Variants in TTLL5 observed in about 807,000 individuals in gnomAD.
TTLL5 encodes tubulin polyglutamylase TTLL5.
A neutral mutation model predicts 168.4 loss-of-function variants in TTLL5; 132 were observed. The ratio of observed to expected loss-of-function variants is 0.78; its 90% CI spans 0.68 to 0.91. The LOEUF is 0.91. Among genes scored for constraint, TTLL5 ranks in the 40% least tolerant of loss-of-function variants. The probability of loss-of-function intolerance (pLI) is 0.00; values close to 1 mark genes in which losing one functional copy is unlikely to be tolerated. For missense variants in TTLL5, 1,545 were observed against 1,581.5 expected (o/e 0.98, Z 0.39); for synonymous variants, 546 against 558.6 (o/e 0.98, Z 0.32).
chr14:75,668,423 T>C (rs1883462680), intron 2 of TTLL5, among the ~76,000 whole-genome samples: 1 of 152,296 alleles, frequency 6.6e-6, no homozygotes. Context: ...TTAAGTGAGA[T>C]ATGAGAGCTC....
Position 75,745,577 on chromosome 14 carries a change from T to G in TTLL5, c.1483T>G (p.Tyr495Asp), listed in dbSNP as rs1594960482. The change falls in exon 17 of 32, where the codon TAT becomes GAT. Residue 495 changes from tyrosine to aspartate, a missense_variant. By Grantham distance (160) the Tyr-to-Asp change is radical. Transcript: ENST00000298832. The part of the protein sequence containing the change: ...IFPTSETWEI[Y>D]GSYLEHKTSM... ...TCCTACATCTGAGACATGGGAAATA[T>G]ATGGGTGAGGTGACTACCTTTTTTT... 1.2e-6 allele frequency: 2 copies of G among 1,613,848 alleles called. No homozygotes were observed. Among genetic ancestry groups the G allele is most frequent in the Admixed American group, 3.3e-5 (2 of 60,018 alleles).
chr14:75,870,835 G>A (rs563308232), intron 29 of TTLL5, among the ~76,000 whole-genome samples: 12 of 144,898 alleles, frequency 8.3e-5, no homozygotes, highest in East Asian at 2.0e-4. Context: ...TTGCTCTGTC[G>A]CCCAGCTGGA....
intron 28 of TTLL5, among the ~76,000 whole-genome samples, chr14:75,858,133 C>T (rs1897228131): frequency 6.6e-6 from 1 of 152,130 alleles, no homozygotes; most frequent in African/African-American, 2.4e-5. Context: ...AGGGGGGATC[C>T]TCAGGACCCT....
chr14:75,882,120 T>C (rs915215066), intron 29 of TTLL5, among the ~76,000 whole-genome samples: 4 of 152,198 alleles, frequency 2.6e-5, no homozygotes, highest in Non-Finnish European at 2.9e-5. Flanking sequence ...AATTCTAAAC[T>C]AGCCCTCAAG....
chr14:75,865,000 A>G (rs879776621), intron 29 of TTLL5, among the ~76,000 whole-genome samples: 6 of 152,140 alleles, frequency 3.9e-5, no homozygotes, highest in African/African-American at 1.4e-4. Flanking sequence ...GCGGTAGTAT[A>G]CTCTGTACAT....
At chr14:75,681,236 T>G (rs544457479) in intron 3 of TTLL5, among the ~76,000 whole-genome samples, 1 of 152,200 alleles carries the variant, frequency 6.6e-6, no homozygotes, top group Non-Finnish European at 1.5e-5. Context: ...CTGATGTCTG[T>G]TAGTGGCAGG....
chr14:75,926,156 C>CTTTTTTTTTTTTTTTTTTTTTT (rs34048806), intron 31 of TTLL5, among the ~76,000 whole-genome samples: 2 of 29,954 alleles, frequency 6.7e-5, no homozygotes, highest in African/African-American at 3.9e-4. Context: ...GCAACCCCAG[C>CTTTTTTTTTTTTTTTTTTTTTT]TTTTTTTTTT....
At chr14:75,813,959 G>A (rs2140399238) in intron 27 of TTLL5, among the ~76,000 whole-genome samples, 1 of 152,156 alleles carries the variant, frequency 6.6e-6, no homozygotes, top group Non-Finnish European at 1.5e-5. Flanking sequence ...TATTAGCCCA[G>A]AGAAGCCAAC....
At position 75,775,992 on chromosome 14, in the gene TTLL5, A is replaced by G. The variant is rs190935175; in HGVS notation, c.2283+362A>G. On this transcript the variant is annotated intron_variant, in intron 22 of 31. Coordinates refer to ENST00000298832, the MANE Select transcript of TTLL5 (RefSeq NM_015072.5). ...AAATTTGAGCTGTGGATTGAATGTA[A>G]TGACATATTCTTTCTTGAACGAGTT... is the stretch of plus-strand genomic sequence containing the variant. Among the ~76,000 whole-genome samples the G allele has an allele frequency of 3.8e-3, 583 of 152,362 alleles. 2 individuals are homozygous for G. The highest frequency in any genetic ancestry group is 5.7e-3 in the Non-Finnish European group (388 of 68,038).
In TTLL5 at chr14:75,880,182, T is replaced by C. The variant is rs536545433; in HGVS notation, c.3523-2503T>C. On this transcript the variant is annotated intron_variant, in intron 29 of 31. Transcript: ENST00000298832. ...GTGTGTACATACATATATAGATATA[T>C]ATGGTGTGTATGTATTCTTTTTAAA... 6.6e-5 allele frequency among the ~76,000 whole-genome samples: 10 copies of C among 152,152 alleles called. No individual in the cohort carries two copies. The East Asian group carries it at 1.5e-3, about 23-fold the overall frequency.
At chr14:75,719,497 C>T (rs897674373) in intron 10 of TTLL5, among the ~76,000 whole-genome samples, 5 of 152,078 alleles carry the variant, frequency 3.3e-5, no homozygotes, top group South Asian at 4.1e-4. Flanking sequence ...AAGAATTTGC[C>T]GCCTTCTTCC....
At position 75,924,327 on chromosome 14, in the gene TTLL5, G is replaced by A. The variant is rs982498979; in HGVS notation, c.3823+22103G>A. 2.7e-4 allele frequency among the ~76,000 whole-genome samples: 41 copies of A among 150,628 alleles called. 1 individual carries two copies. The highest frequency in any genetic ancestry group is 8.4e-4 in the African/African-American group (34 of 40,524). On this transcript the variant is annotated intron_variant, in intron 31 of 31. Transcript: ENST00000298832. ...TATTGATCATTCTTGGGTGTTTCTCGCAGAGGGGGAGTTGGCAGGGTCATA... is the reference window on the plus strand; with the variant it reads ...TATTGATCATTCTTGGGTGTTTCTCACAGAGGGGGAGTTGGCAGGGTCATA...
intron 28 of TTLL5, among the ~76,000 whole-genome samples, chr14:75,862,009 C>G (rs1311721423): frequency 6.6e-6 from 1 of 152,166 alleles, no homozygotes; most frequent in Non-Finnish European, 1.5e-5. Context: ...AAATGACTTC[C>G]TATTCCCTAA....
At chr14:75,819,982 G>A (rs759102235) in intron 27 of TTLL5, 25 bp from the exon 28 acceptor site, 10 of 1,578,614 alleles carry the variant, frequency 6.3e-6, no homozygotes, top group East Asian at 2.3e-5. Context: ...GTAAAGTCAG[G>A]TTATTTCCCT....
At chr14:75,710,862 T>C (rs975030518) in intron 9 of TTLL5, 3 of 152,206 alleles carry the variant, frequency 2.0e-5, no homozygotes, top group African/African-American at 7.2e-5. Context: ...TGGGTTACGT[T>C]GAGGCTCAAC....
At chr14:75,707,429 A>G (rs1358889872) in intron 8 of TTLL5, among the ~76,000 whole-genome samples, 194 bp from the exon 9 acceptor site, 3 of 152,212 alleles carry the variant, frequency 2.0e-5, no homozygotes, top group Admixed American at 1.3e-4. Flanking sequence ...TACTATATAC[A>G]TAATATGTAT....
intron 30 of TTLL5, among the ~76,000 whole-genome samples, chr14:75,885,478 C>T (rs1230225134): frequency 1.3e-5 from 2 of 152,188 alleles, no homozygotes; most frequent in Admixed American, 1.3e-4. Flanking sequence ...GGTGACAGAG[C>T]GAGATCAGAG....
chr14:75,867,361 A>G (rs1032404037), intron 29 of TTLL5, among the ~76,000 whole-genome samples: 2 of 152,214 alleles, frequency 1.3e-5, no homozygotes, highest in Non-Finnish European at 2.9e-5. Flanking sequence ...AACCTAATGA[A>G]TAGGCAGAAT....
At chr14:75,833,352 G>A (rs948974231) in intron 28 of TTLL5, among the ~76,000 whole-genome samples, 1 of 152,188 alleles carries the variant, frequency 6.6e-6, no homozygotes, top group Non-Finnish European at 1.5e-5. Context: ...GAGAAGAATA[G>A]GATAAATAAG....
Sources: gnomAD v4.1 joint callset for allele counts (sites outside exome capture counted in the v4.1 genomes callset) on GRCh38, gnomAD v4.1.1 for gene constraint, MANE v1.5 for transcripts, NCBI Gene and HGNC (gene_info 2026-07-23, HGNC 2026-07-21) for gene names.